Variants in EPHA6 observed in about 807,000 individuals in gnomAD.
EPHA6 encodes ephrin type-A receptor 6.
EPHA6 carries 50 observed loss-of-function variants against 112.0 expected under a neutral mutation model. That is an observed-to-expected ratio of 0.45 (90% CI 0.36 to 0.56). The LOEUF is 0.56. EPHA6 is among the 20% of genes least tolerant of loss of function. The pLI is 0.00. For synonymous variants in EPHA6, 529 were observed against 490.7 expected (o/e 1.08, Z -1.03); for missense variants, 1,280 against 1,417.4 (o/e 0.90, Z 1.56).
chr3:96,921,046 A>C (rs192238657), intron 2 of EPHA6, among the ~76,000 whole-genome samples: 2 of 152,184 alleles, frequency 1.3e-5, no homozygotes, highest in East Asian at 3.9e-4. Context: ...ATATCTAATA[A>C]TACTGTCTTT....
At chr3:97,038,904 T>G (rs1223166822) in intron 3 of EPHA6, among the ~76,000 whole-genome samples, 3 of 152,052 alleles carry the variant, frequency 2.0e-5, no homozygotes, top group Non-Finnish European at 4.4e-5. Flanking sequence ...TTCACTTTTC[T>G]GTAGCCCCAG....
chr3:97,576,775 A>G (rs2093390210), intron 11 of EPHA6, among the ~76,000 whole-genome samples: 1 of 152,220 alleles, frequency 6.6e-6, no homozygotes, highest in Non-Finnish European at 1.5e-5. Context: ...CCTTGAAAAA[A>G]GAAAAAGATT....
chr3:97,143,393 T>C (rs2075959142), intron 3 of EPHA6, among the ~76,000 whole-genome samples: 1 of 151,836 alleles, frequency 6.6e-6, no homozygotes, highest in South Asian at 2.1e-4. Context: ...ATGTGATAAC[T>C]TCCTTAAAAA....
intron 13 of EPHA6, among the ~76,000 whole-genome samples, chr3:97,622,962 T>TG (rs200527067): frequency 9.9e-5 from 15 of 151,688 alleles, no homozygotes; most frequent in East Asian, 1.9e-4. Context: ...TTGATTTTTT[T>TG]TTGTTGAATT....
chr3:97,436,423 G>A (rs898775814), intron 6 of EPHA6, among the ~76,000 whole-genome samples: 3 of 151,902 alleles, frequency 2.0e-5, no homozygotes, highest in Non-Finnish European at 4.4e-5. Context: ...GTTCCACCAC[G>A]GTGACAAAAT....
chr3:96,838,403 G>A (rs1247827039), intron 1 of EPHA6, among the ~76,000 whole-genome samples: 1 of 152,004 alleles, frequency 6.6e-6, no homozygotes, highest in East Asian at 1.9e-4. Context: ...ATATTCCTTT[G>A]GGCATTTACC....
intron 11 of EPHA6, among the ~76,000 whole-genome samples, chr3:97,540,030 G>C (rs962119383): frequency 3.3e-5 from 5 of 152,156 alleles, no homozygotes; most frequent in African/African-American, 9.7e-5. Flanking sequence ...GATGAGAAGA[G>C]ATTAAATCCA....
At chr3:97,119,488 A>C (rs1357727080) in intron 3 of EPHA6, among the ~76,000 whole-genome samples, 1 of 151,920 alleles carries the variant, frequency 6.6e-6, no homozygotes, top group Non-Finnish European at 1.5e-5. Flanking sequence ...AAAGCTGAGC[A>C]CAGACCAGTC....
At chr3:97,114,709 T>C (rs182662497) in intron 3 of EPHA6, among the ~76,000 whole-genome samples, 97 of 152,180 alleles carry the variant, frequency 6.4e-4, no homozygotes, top group African/African-American at 2.3e-3. Context: ...AAATGTCTTT[T>C]TTGCTGTGAG....
At chr3:97,430,390 T>G (rs866781448) in intron 6 of EPHA6, among the ~76,000 whole-genome samples, 2 of 152,086 alleles carry the variant, frequency 1.3e-5, no homozygotes, top group Non-Finnish European at 2.9e-5. Context: ...TCACTAATAA[T>G]TTTTCCAAGG....
At chr3:97,480,744 G>C (rs2091509393) in intron 9 of EPHA6, among the ~76,000 whole-genome samples, 1 of 152,192 alleles carries the variant, frequency 6.6e-6, no homozygotes, top group Non-Finnish European at 1.5e-5. Flanking sequence ...TGAGCTGTTG[G>C]GTACACCTCC....
At chr3:97,343,169 G>A in intron 5 of EPHA6, among the ~76,000 whole-genome samples, 1 of 152,174 alleles carries the variant, frequency 6.6e-6, no homozygotes. Context: ...ATAGAAAGTT[G>A]ATTGAAATAT....
At chr3:97,471,338 C>T (rs1420776578) in intron 7 of EPHA6, among the ~76,000 whole-genome samples, 1 of 151,710 alleles carries the variant, frequency 6.6e-6, no homozygotes, top group African/African-American at 2.4e-5. Flanking sequence ...ACAATAATTA[C>T]TTCTGTAATT....
intron 6 of EPHA6, among the ~76,000 whole-genome samples, chr3:97,416,933 A>C (rs1215549475): frequency 6.6e-6 from 1 of 152,060 alleles, no homozygotes; most frequent in Non-Finnish European, 1.5e-5. Context: ...TCCCTTTTTT[A>C]AAGGCTCAGA....
intron 5 of EPHA6, among the ~76,000 whole-genome samples, chr3:97,396,235 A>G (rs1239181112): frequency 6.6e-6 from 1 of 150,680 alleles, no homozygotes; most frequent in East Asian, 1.9e-4. Context: ...CTCACTGTGT[A>G]TCTCATTTTC....
chr3:97,364,130 T>C (rs1022119290), intron 5 of EPHA6, among the ~76,000 whole-genome samples: 16 of 152,098 alleles, frequency 1.1e-4, no homozygotes, highest in African/African-American at 3.1e-4. Context: ...TACTGAAGTG[T>C]ATGCTTAAAA....
intron 2 of EPHA6, among the ~76,000 whole-genome samples, chr3:96,986,701 A>C (rs2107842197): frequency 6.6e-6 from 1 of 152,290 alleles, no homozygotes; most frequent in East Asian, 1.9e-4. Flanking sequence ...AGCTTTATAA[A>C]GGCAGAGAGT....
At chr3:97,745,063 G>A (rs1158065358) in intron 16 of EPHA6, among the ~76,000 whole-genome samples, 1 of 151,630 alleles carries the variant, frequency 6.6e-6, no homozygotes, top group African/African-American at 2.4e-5. Flanking sequence ...CCCTGAAACT[G>A]GTCAAATAAT....
chr3:97,355,851 A>T lies in EPHA6; in HGVS notation c.1607-49299A>T, dbSNP rs1393792835. ...AAAGGGATAAAGATATTCCATGCAAATGGAAACACAAAAAAAGGGCAGGAG... is the reference window on the plus strand; with the variant it reads ...AAAGGGATAAAGATATTCCATGCAATTGGAAACACAAAAAAAGGGCAGGAG... On this transcript the variant is annotated intron_variant, in intron 5 of 17. Transcript: ENST00000389672. Among the ~76,000 whole-genome samples the T allele has an allele frequency of 2.0e-5, 3 of 152,230 alleles. No individual in the cohort carries two copies. In the East Asian group the frequency reaches 5.8e-4, roughly 29 times the overall value.
Sources: allele counts gnomAD v4.1 joint callset (sites outside exome capture counted in the v4.1 genomes callset), GRCh38; gene constraint gnomAD v4.1.1; transcripts MANE v1.5; gene names NCBI Gene and HGNC (gene_info 2026-07-23, HGNC 2026-07-21).